MAGI2: variants seen among roughly 807,000 people sequenced by gnomAD.
MAGI2 encodes membrane associated guanylate kinase, WW and PDZ domain containing 2, also known as membrane-associated guanylate kinase, WW and PDZ domain-containing protein 2.
MAGI2 carries 35 observed loss-of-function variants against 133.3 expected under a neutral mutation model. The ratio of observed to expected loss-of-function variants is 0.26; its 90% CI spans 0.20 to 0.35. The LOEUF (loss-of-function observed/expected upper bound fraction) is 0.35, where lower values mean the gene tolerates loss of function less well. Ranked by LOEUF, MAGI2 falls within the 10% of genes least tolerant of loss-of-function variation. The pLI, the probability that MAGI2 is intolerant of heterozygous loss-of-function variation, is 1.00. For synonymous variants in MAGI2, 729 were observed against 710.6 expected, an observed-to-expected ratio of 1.03 and a Z score of -0.41; for missense variants, 1,636 against 1,863.4, an observed-to-expected ratio of 0.88 and a Z score of 2.25.
intron 2 of MAGI2, among the ~76,000 whole-genome samples, chr7:78,943,075 G>T (rs1801118591): frequency 6.6e-6 from 1 of 151,916 alleles, no homozygotes; most frequent in African/African-American, 2.4e-5. Flanking sequence ...TACCACCCTG[G>T]GTCTTAGTAT....
At chr7:78,913,704 C>T (rs1584374007) in intron 2 of MAGI2, among the ~76,000 whole-genome samples, 2 of 152,216 alleles carry the variant, frequency 1.3e-5, no homozygotes, top group Admixed American at 1.3e-4. Context: ...CTGTTATGTT[C>T]CATGGTGCAT....
chr7:79,146,015 A>T (rs898354801), intron 1 of MAGI2, among the ~76,000 whole-genome samples: 1 of 152,156 alleles, frequency 6.6e-6, no homozygotes, highest in African/African-American at 2.4e-5. Context: ...TGTTATTCCC[A>T]ATTTTATTAG....
chr7:78,034,230 A>C (rs970606387), intron 21 of MAGI2, among the ~76,000 whole-genome samples: 6 of 152,194 alleles, frequency 3.9e-5, no homozygotes, highest in Non-Finnish European at 8.8e-5. Flanking sequence ...GGAGGTAGAC[A>C]TAGAACAAGT....
intron 2 of MAGI2, among the ~76,000 whole-genome samples, chr7:78,807,523 C>G (rs897137750): frequency 6.6e-6 from 1 of 152,016 alleles, no homozygotes; most frequent in Non-Finnish European, 1.5e-5. Flanking sequence ...CTACTCATGA[C>G]AGAATGACAG....
chr7:78,885,201 G>A (rs1248279298), intron 2 of MAGI2, among the ~76,000 whole-genome samples: 1 of 152,008 alleles, frequency 6.6e-6, no homozygotes, highest in African/African-American at 2.4e-5. Flanking sequence ...TACTTATTGG[G>A]TATTATGCTC....
chr7:78,699,687 T>G (rs1817871719), intron 2 of MAGI2, among the ~76,000 whole-genome samples: 1 of 152,310 alleles, frequency 6.6e-6, no homozygotes, highest in South Asian at 2.1e-4. Context: ...TTGGCAATTG[T>G]GTAACAAGGT....
intron 6 of MAGI2, among the ~76,000 whole-genome samples, chr7:78,436,143 G>A (rs55933247): frequency 0.12 from 17,561 of 152,134 alleles, 1,056 homozygotes; most frequent in Middle Eastern, 0.15. Context: ...TTATACAGAG[G>A]GTCAAACTGG....
intron 2 of MAGI2, among the ~76,000 whole-genome samples, chr7:78,751,679 C>A (rs1216967615): frequency 6.6e-6 from 1 of 152,134 alleles, no homozygotes; most frequent in Non-Finnish European, 1.5e-5. Flanking sequence ...AAGTAATTCA[C>A]AACAGAACAA....
chr7:78,575,028 C>T (rs972757587), intron 3 of MAGI2, among the ~76,000 whole-genome samples: 6 of 152,266 alleles, frequency 3.9e-5, no homozygotes, highest in South Asian at 4.1e-4. Flanking sequence ...TGTCTACACC[C>T]GCAGTTTCTA....
chr7:79,303,645 A>C (rs74691465), intron 1 of MAGI2, among the ~76,000 whole-genome samples: 1 of 152,360 alleles, frequency 6.6e-6, no homozygotes, highest in East Asian at 1.9e-4. Context: ...TTGTCATCAG[A>C]TGATTTAATG....
chr7:78,303,459 T>C (rs1395006488), intron 9 of MAGI2, among the ~76,000 whole-genome samples: 2 of 147,488 alleles, frequency 1.4e-5, no homozygotes, highest in Non-Finnish European at 3.0e-5. Flanking sequence ...AAACTTACCA[T>C]GCTCAAAATA....
At chr7:79,379,586 AAAGTGTTCCTATTTCTCCACATC>A in intron 1 of MAGI2, among the ~76,000 whole-genome samples, 1 of 151,864 alleles carries the variant, frequency 6.6e-6, no homozygotes, top group South Asian at 2.1e-4. Context: ...CAACAGTGTA[AAAGTGTTCCTATTTCTCCACATC>A]CTCTCCAGCA....
At chr7:79,123,884 G>C (rs543728472) in intron 1 of MAGI2, among the ~76,000 whole-genome samples, 13 of 149,022 alleles carry the variant, frequency 8.7e-5, no homozygotes, top group African/African-American at 1.2e-4. Context: ...TATTTTACTC[G>C]TTCTTTTAGT....
At chr7:78,973,179 A>G (rs1168230133) in intron 2 of MAGI2, among the ~76,000 whole-genome samples, 2 of 151,954 alleles carry the variant, frequency 1.3e-5, no homozygotes, top group Non-Finnish European at 2.9e-5. Flanking sequence ...ATATTAAAAT[A>G]TAATCTGTAC....
intron 1 of MAGI2, among the ~76,000 whole-genome samples, chr7:79,057,960 G>GTTTTT (rs34071701): frequency 1.4e-5 from 2 of 145,834 alleles, no homozygotes; most frequent in African/African-American, 5.0e-5. Flanking sequence ...GGCTCTATTA[G>GTTTTT]TTTTTTTTTT....
At chr7:78,825,649 A>C (rs1257978681) in intron 2 of MAGI2, among the ~76,000 whole-genome samples, 1 of 152,094 alleles carries the variant, frequency 6.6e-6, no homozygotes, top group Non-Finnish European at 1.5e-5. Context: ...TTCTTCTTTC[A>C]CTCTTTAGCT....
At chr7:78,547,700 T>C (rs762798494) in intron 3 of MAGI2, among the ~76,000 whole-genome samples, 5 of 152,162 alleles carry the variant, frequency 3.3e-5, no homozygotes, top group Non-Finnish European at 7.3e-5. Context: ...ACATGCCAAC[T>C]CACATAATGT....
At chr7:78,659,038 T>A (rs1223658222) in intron 2 of MAGI2, among the ~76,000 whole-genome samples, 1 of 152,154 alleles carries the variant, frequency 6.6e-6, no homozygotes, top group Non-Finnish European at 1.5e-5. Context: ...TTATTTGTAA[T>A]AACCCCAAAC....
At chr7:79,131,733 C>T (rs1820954420) in intron 1 of MAGI2, among the ~76,000 whole-genome samples, 1 of 152,102 alleles carries the variant, frequency 6.6e-6, no homozygotes, top group African/African-American at 2.4e-5. Context: ...TGTAGCATGT[C>T]TTTCGTTTTT....
Sources: gnomAD v4.1 joint callset for allele counts (sites outside exome capture counted in the v4.1 genomes callset) on GRCh38, gnomAD v4.1.1 for gene constraint, MANE v1.5 for transcripts, NCBI Gene and HGNC (gene_info 2026-07-23, HGNC 2026-07-21) for gene names.